The following GNG12 variants were observed in gnomAD, a reference collection of about 807,000 sequenced individuals.
GNG12 encodes G protein subunit gamma 12.
For synonymous variants in GNG12, 28 were observed against 29.7 expected (o/e 0.94, Z 0.19); for missense variants, 69 against 83.8 (o/e 0.82, Z 0.69).
intron 2 of GNG12, among the ~76,000 whole-genome samples, chr1:67,724,551 G>A (rs764622042): frequency 3.3e-5 from 5 of 152,046 alleles, no homozygotes; most frequent in East Asian, 1.9e-4. Context: ...TTCCAAGCCC[G>A]GCTAATTTTT....
chr1:67,760,753 G>C (rs1287176810), intron 2 of GNG12, among the ~76,000 whole-genome samples: 1 of 152,198 alleles, frequency 6.6e-6, no homozygotes, highest in Non-Finnish European at 1.5e-5. Context: ...TCCTGAGTAA[G>C]GCACTGTGCC....
At chr1:67,762,055 C>A (rs543216220) in intron 2 of GNG12, among the ~76,000 whole-genome samples, 1 of 152,296 alleles carries the variant, frequency 6.6e-6, no homozygotes, top group South Asian at 2.1e-4. Flanking sequence ...TTGGTGAGAA[C>A]ATACATTAGA....
chr1:67,822,200 C>G (rs1460994364), intron 1 of GNG12, among the ~76,000 whole-genome samples: 1 of 151,676 alleles, frequency 6.6e-6, no homozygotes, highest in Non-Finnish European at 1.5e-5. Flanking sequence ...TCTGTAAGCT[C>G]ATAAGCTGTC....
At chr1:67,786,924 C>CA (rs1646770837) in intron 1 of GNG12, among the ~76,000 whole-genome samples, 3 of 89,396 alleles carry the variant, frequency 3.4e-5, no homozygotes, top group African/African-American at 1.4e-4. Flanking sequence ...GTAACAGAGA[C>CA]TTATATATAT....
chr1:67,774,557 CA>C (rs1342651387), intron 2 of GNG12, among the ~76,000 whole-genome samples: 3 of 152,192 alleles, frequency 2.0e-5, no homozygotes, highest in Admixed American at 6.6e-5. Flanking sequence ...ATCAAGTCAG[CA>C]AATATCTCAT....
At chr1:67,750,204 C>T (rs1264802918) in intron 2 of GNG12, among the ~76,000 whole-genome samples, 2 of 152,256 alleles carry the variant, frequency 1.3e-5, no homozygotes, top group Non-Finnish European at 2.9e-5. Context: ...ATGACATTCA[C>T]CGCAGCTACT....
intron 2 of GNG12, among the ~76,000 whole-genome samples, chr1:67,751,736 A>C (rs1646539936): frequency 6.6e-6 from 1 of 152,234 alleles, no homozygotes; most frequent in South Asian, 2.1e-4. Context: ...CTTGTGAGAC[A>C]TCTCTTGTGT....
intron 2 of GNG12, among the ~76,000 whole-genome samples, chr1:67,760,357 T>C (rs1646594988): frequency 6.6e-6 from 1 of 152,248 alleles, no homozygotes; most frequent in Admixed American, 6.5e-5. Flanking sequence ...TCCCATCATT[T>C]GGTAGGTTGG....
chr1:67,733,170 CAGTT>C (rs1404608622), intron 2 of GNG12, among the ~76,000 whole-genome samples: 5 of 152,194 alleles, frequency 3.3e-5, no homozygotes, highest in South Asian at 2.1e-4. Flanking sequence ...GCCCTCCAGT[CAGTT>C]AGGCAACAAC....
intron 2 of GNG12, among the ~76,000 whole-genome samples, chr1:67,756,162 T>C (rs1198528900): frequency 2.6e-5 from 4 of 151,918 alleles, no homozygotes; most frequent in South Asian, 2.1e-4. Flanking sequence ...ATAGGTAAGG[T>C]AGAGGGTGCA....
chr1:67,757,720 A>T (rs1233920486), intron 2 of GNG12, among the ~76,000 whole-genome samples: 2 of 152,086 alleles, frequency 1.3e-5, no homozygotes, highest in Non-Finnish European at 2.9e-5. Context: ...GATATGTGTG[A>T]TTTTGGTCAC....
chr1:67,706,544 T>C (rs1159615843), intron 3 of GNG12, among the ~76,000 whole-genome samples: 1 of 152,162 alleles, frequency 6.6e-6, no homozygotes, highest in African/African-American at 2.4e-5. Flanking sequence ...ATGGGGCAGC[T>C]GAGCCCTGTC....
Position 67,782,370 on chromosome 1 carries a change from T to C in GNG12, c.-76-4863A>G, listed in dbSNP as rs74081805. On this transcript the variant is annotated intron_variant, in intron 1 of 3. Transcript: ENST00000370982. Reference sequence around the variant, plus strand: ...GTTAAAATGCTGGCATTTTGCCCCATTGTACAACGGCTTCTGTCCCAGAGA... The same window carrying C: ...GTTAAAATGCTGGCATTTTGCCCCACTGTACAACGGCTTCTGTCCCAGAGA... 9.8e-3 allele frequency among the ~76,000 whole-genome samples: 1,490 copies of C among 152,296 alleles called. 18 individuals are homozygous for C. The highest frequency in any genetic ancestry group is 0.024 in the African/African-American group (993 of 41,582).
At chr1:67,709,950 T>TTATA (rs1318644233) in intron 2 of GNG12, among the ~76,000 whole-genome samples, 1 of 20,960 alleles carries the variant, frequency 4.8e-5, no homozygotes, top group Non-Finnish European at 1.1e-4. Flanking sequence ...ATATATATAG[T>TTATA]TATATATATA....
intron 1 of GNG12, among the ~76,000 whole-genome samples, chr1:67,811,863 A>G (rs925647191): frequency 6.6e-6 from 1 of 152,174 alleles, no homozygotes; most frequent in Non-Finnish European, 1.5e-5. Flanking sequence ...ATTGATGTAG[A>G]GGCTATAACC....
chr1:67,779,941 T>C (rs1646727997), intron 1 of GNG12, among the ~76,000 whole-genome samples: 1 of 152,170 alleles, frequency 6.6e-6, no homozygotes, highest in African/African-American at 2.4e-5. Context: ...ACAATGCTAT[T>C]TGTGTATCTA....
rs1646231584 is a variant in GNG12, at chr1:67,704,229, A to AGC, written c.*1220_*1221dup. On this transcript the variant is annotated 3_prime_UTR_variant, in exon 4 of 4. Coordinates refer to ENST00000370982, the MANE Select transcript of GNG12 (RefSeq NM_018841.6). ...CACTGAATCCAAGGCTCTCTTGGGT[A>AGC]GCCTATGTGCCTCTTGGATGGTATG... 1 of 152,228 alleles carries AGC rather than the reference A, an allele frequency of 6.6e-6. No individual in the cohort carries two copies. The highest frequency in any genetic ancestry group is 2.4e-5 in the African/African-American group (1 of 41,454). The allele number at this position is 152,228 out of a possible 1,614,324, so 9.4% of individuals were successfully genotyped here.
rs193042556 is a variant in GNG12 at position 67,702,184 on chromosome 1, A to T, written c.*3267T>A. 5.7e-3 allele frequency: 861 copies of T among 152,298 alleles called. 12 individuals are homozygous for T. Among genetic ancestry groups the T allele is most frequent in the South Asian group, 0.038 (181 of 4,822 alleles). 9.4% of individuals were successfully genotyped at this position (152,298 alleles called of 1,614,324 possible). A position where few individuals can be genotyped will look rare whatever the true frequency, so the allele number is the denominator to read the frequency against. On this transcript the variant is annotated 3_prime_UTR_variant, in exon 4 of 4. Transcript: ENST00000370982. ...TATAAGATTCTATTTGATTTGATGT[A>T]TTTTTTCCCCATTAACAGGTCTACC...
chr1:67,823,927 G>T (rs1438497856), intron 1 of GNG12, among the ~76,000 whole-genome samples: 1 of 152,146 alleles, frequency 6.6e-6, no homozygotes, highest in Non-Finnish European at 1.5e-5. Flanking sequence ...AATAAACCAT[G>T]GTACATCCAC....
Sources: allele counts gnomAD v4.1 joint callset (sites outside exome capture counted in the v4.1 genomes callset), GRCh38; gene constraint gnomAD v4.1.1; transcripts MANE v1.5; gene names NCBI Gene and HGNC (gene_info 2026-07-23, HGNC 2026-07-21).